Variants in HSD17B11 observed in about 807,000 individuals in gnomAD.
The protein encoded by HSD17B11 is hydroxysteroid 17-beta dehydrogenase 11, also known as estradiol 17-beta-dehydrogenase 11.
In HSD17B11, 22 loss-of-function variants were observed where a neutral mutation model predicts 27.8. The observed-to-expected ratio is 0.79, with a 90% confidence interval of 0.56 to 1.13. HSD17B11 has a LOEUF of 1.13. Among genes scored for constraint, HSD17B11 ranks in the 50% most tolerant of loss-of-function variants. HSD17B11 has a pLI of 0.00. For synonymous variants in HSD17B11, 117 were observed against 132.8 expected, an observed-to-expected ratio of 0.88 and a Z score of 0.82; for missense variants, 314 against 351.1, an observed-to-expected ratio of 0.89 and a Z score of 0.84.
intron 2 of HSD17B11, among the ~76,000 whole-genome samples, chr4:87,378,850 A>T (rs1160211698): frequency 4.4e-5 from 1 of 22,954 alleles, no homozygotes; most frequent in Admixed American, 6.8e-4. Context: ...ATATAAATAT[A>T]TATATAAATA....
At position 87,336,856 on chromosome 4, in the gene HSD17B11, T is replaced by C. The variant is rs1452335972; in HGVS notation, c.*420A>G. Reference sequence around the variant, plus strand: ...TACCACTAGATATAGTCCTTCATTTTATTTAGAGAGCTTGAAGTTTCTGAT... The same window carrying C: ...TACCACTAGATATAGTCCTTCATTTCATTTAGAGAGCTTGAAGTTTCTGAT... On this transcript the variant is annotated 3_prime_UTR_variant, in exon 7 of 7. Transcript: ENST00000358290. 5.7e-6 allele frequency: 1 copy of C among 173,952 alleles called. No individual in the cohort carries two copies. Among genetic ancestry groups the C allele is most frequent in the Non-Finnish European group, 1.2e-5 (1 of 83,510 alleles). The allele number at this position is 173,952 out of a possible 1,614,324, so 10.8% of individuals were successfully genotyped here.
At chr4:87,356,942 T>C (rs996600548) in intron 5 of HSD17B11, among the ~76,000 whole-genome samples, 1 of 152,100 alleles carries the variant, frequency 6.6e-6, no homozygotes, top group Non-Finnish European at 1.5e-5. Context: ...ACCCAGTAAG[T>C]CAACATATCT....
At chr4:87,356,384 G>C (rs1735388285) in intron 5 of HSD17B11, among the ~76,000 whole-genome samples, 2 of 152,188 alleles carry the variant, frequency 1.3e-5, no homozygotes, top group South Asian at 4.1e-4. Flanking sequence ...ATCACTAGGA[G>C]ATGCTATTGC....
chr4:87,372,999 G>A (rs917913163), intron 3 of HSD17B11, among the ~76,000 whole-genome samples, 184 bp from the exon 4 acceptor site: 1 of 152,288 alleles, frequency 6.6e-6, no homozygotes, highest in East Asian at 1.9e-4. Flanking sequence ...TAGAAAACCT[G>A]AGCAAAACAA....
At chr4:87,379,644 TG>T (rs1307630199) in intron 2 of HSD17B11, among the ~76,000 whole-genome samples, 2 of 145,450 alleles carry the variant, frequency 1.4e-5, no homozygotes, top group African/African-American at 5.0e-5. Flanking sequence ...ACATATTATA[TG>T]TATATGTATG....
Position 87,357,409 on chromosome 4 carries a change from T to C in HSD17B11, c.565A>G (p.Lys189Glu), listed in dbSNP as rs745993370. ...TTATGAAATCCAACAGCAGCAAACT[T>C]GCTTGAACTGAAAATAGAGAGTTTA... is the stretch of plus-strand genomic sequence containing the variant. ...VPFLLAYCSS[K>E]FAAVGFHKTL... is the part of the protein sequence containing the mutation. Residue 189 changes from lysine (K) to glutamate (E), a missense_variant, in exon 5 of 7, where the codon AAG becomes GAG. Coordinates refer to ENST00000358290, the MANE Select transcript of HSD17B11 (RefSeq NM_016245.5). 1 of 1,607,104 alleles carries C rather than the reference T, an allele frequency of 6.2e-7. No individual in the cohort carries two copies. The highest frequency in any genetic ancestry group is 2.2e-5 in the East Asian group (1 of 44,848).
At chr4:87,363,548 C>T (rs1368204292) in intron 4 of HSD17B11, among the ~76,000 whole-genome samples, 3 of 152,170 alleles carry the variant, frequency 2.0e-5, no homozygotes, top group Non-Finnish European at 4.4e-5. Context: ...ATGAAGTCTC[C>T]ACCTTGTTTT....
intron 1 of HSD17B11, among the ~76,000 whole-genome samples, chr4:87,386,283 G>T (rs1397932869): frequency 6.6e-6 from 1 of 151,272 alleles, no homozygotes; most frequent in East Asian, 1.9e-4. Context: ...GCTCACTGTA[G>T]CCTCTGCCTT....
chr4:87,383,162 T>C (rs1011505091), intron 1 of HSD17B11, among the ~76,000 whole-genome samples: 1 of 152,208 alleles, frequency 6.6e-6, no homozygotes, highest in East Asian at 1.9e-4. Context: ...ATTGGTCTTG[T>C]GGAAACCACT....
chr4:87,385,219 T>C (rs910460807), intron 1 of HSD17B11, among the ~76,000 whole-genome samples: 3 of 152,240 alleles, frequency 2.0e-5, no homozygotes, highest in Non-Finnish European at 4.4e-5. Context: ...TATATTAATG[T>C]TGTATACACA....
At chr4:87,365,032 G>A (rs1735590806) in intron 4 of HSD17B11, among the ~76,000 whole-genome samples, 1 of 152,224 alleles carries the variant, frequency 6.6e-6, no homozygotes, top group Non-Finnish European at 1.5e-5. Context: ...AGCTGGGTGT[G>A]GTGGTGGGCG....
Position 87,338,827 on chromosome 4 carries a change from G to A in HSD17B11, c.813-1461C>T, listed in dbSNP as rs571999878. The stretch of plus-strand genomic sequence containing the variant: ...GCTGGGATTACAGGCGTGAGCCACC[G>A]TGCCCAGCCCTGAGTACTTTAAGAG... On this transcript the variant is annotated intron_variant, in intron 6 of 6. Coordinates refer to ENST00000358290, the MANE Select transcript of HSD17B11 (RefSeq NM_016245.5). Among the ~76,000 whole-genome samples, 13 of 152,236 alleles carry A rather than the reference G, an allele frequency of 8.5e-5. No individual in the cohort carries two copies. In the East Asian group the frequency reaches 1.2e-3, roughly 14 times the overall value.
intron 1 of HSD17B11, among the ~76,000 whole-genome samples, chr4:87,389,244 C>T (rs1720394597): frequency 6.6e-6 from 1 of 151,982 alleles, no homozygotes; most frequent in Non-Finnish European, 1.5e-5. Flanking sequence ...ATTTTTAAGA[C>T]AGAGTTTTGC....
intron 3 of HSD17B11, 64 bp from the exon 4 acceptor site, chr4:87,372,879 A>G (rs966320084): frequency 2.1e-6 from 2 of 972,246 alleles, no homozygotes; most frequent in African/African-American, 3.3e-5. Context: ...CCTATTGGGA[A>G]TATTTTGAAA....
intron 2 of HSD17B11, among the ~76,000 whole-genome samples, chr4:87,381,776 A>G (rs1720177853): frequency 6.8e-6 from 1 of 147,592 alleles, no homozygotes; most frequent in African/African-American, 2.5e-5. Context: ...AAAAAAAAAA[A>G]GAGAAAAGAA....
intron 2 of HSD17B11, among the ~76,000 whole-genome samples, chr4:87,377,798 A>C (rs1243653269): frequency 1.3e-5 from 2 of 152,206 alleles, no homozygotes; most frequent in African/African-American, 4.8e-5. Flanking sequence ...ATAGTGCTAC[A>C]GTGTGTTGGG....
intron 2 of HSD17B11, among the ~76,000 whole-genome samples, chr4:87,377,746 A>G (rs77841309): frequency 0.057 from 8,613 of 152,202 alleles, 831 homozygotes; most frequent in African/African-American, 0.2. Context: ...CTGTGTTTCA[A>G]ATGAAACCTA....
At chr4:87,379,328 T>A (rs1210774132) in intron 2 of HSD17B11, among the ~76,000 whole-genome samples, 1 of 151,134 alleles carries the variant, frequency 6.6e-6, no homozygotes, top group African/African-American at 2.4e-5. Context: ...ATTTGCCTCT[T>A]CTAGATACAA....
intron 5 of HSD17B11, chr4:87,345,143 G>A (rs1207027524): frequency 6.6e-6 from 1 of 152,390 alleles, no homozygotes; most frequent in Non-Finnish European, 1.5e-5. Context: ...GCACGCACCT[G>A]TAGTCCTAGA....
Sources: gnomAD v4.1 joint callset for allele counts (sites outside exome capture counted in the v4.1 genomes callset) on GRCh38, gnomAD v4.1.1 for gene constraint, MANE v1.5 for transcripts, NCBI Gene and HGNC (gene_info 2026-07-23, HGNC 2026-07-21) for gene names.